Variants in ZNF248 observed in about 807,000 individuals in gnomAD.
ZNF248 encodes the protein zinc finger protein 248, also known as KRAB protein domain.
A neutral mutation model predicts 44.3 loss-of-function variants in ZNF248; 20 were observed. The ratio of observed to expected loss-of-function variants is 0.45; its 90% CI spans 0.32 to 0.66. The LOEUF (loss-of-function observed/expected upper bound fraction) is 0.66, where lower values mean the gene tolerates loss of function less well. Ranked by LOEUF, ZNF248 falls within the 30% of genes least tolerant of loss-of-function variation. ZNF248 has a pLI of 0.04. For synonymous variants in ZNF248, 224 were observed against 229.0 expected (o/e 0.98, Z 0.20); for missense variants, 654 against 677.0 (o/e 0.97, Z 0.38).
intron 6 of ZNF248, among the ~76,000 whole-genome samples, chr10:37,816,829 G>T (rs1274132727): frequency 3.3e-5 from 5 of 152,128 alleles, no homozygotes; most frequent in African/African-American, 1.2e-4. Context: ...TTATTTCTAG[G>T]AACCGTGTTT....
chr10:37,798,543 G>T (rs2049415912), intron 6 of ZNF248, among the ~76,000 whole-genome samples: 1 of 152,210 alleles, frequency 6.6e-6, no homozygotes, highest in Middle Eastern at 3.4e-3. Context: ...AAGGTATATA[G>T]TGTTCTATCC....
At chr10:37,853,646 C>CT (rs1473421433) in intron 3 of ZNF248, among the ~76,000 whole-genome samples, 1 of 152,044 alleles carries the variant, frequency 6.6e-6, no homozygotes, top group East Asian at 1.9e-4. Context: ...TCCCAAAGTG[C>CT]TGGGATTACA....
chr10:37,817,052 A>G (rs1226577622), intron 6 of ZNF248, among the ~76,000 whole-genome samples: 1 of 152,098 alleles, frequency 6.6e-6, no homozygotes, highest in Admixed American at 6.6e-5. Context: ...CTAACCTGCA[A>G]TTTAGCCTCT....
intron 3 of ZNF248, among the ~76,000 whole-genome samples, chr10:37,846,163 C>G (rs1275479108): frequency 6.6e-6 from 1 of 152,158 alleles, no homozygotes; most frequent in Non-Finnish European, 1.5e-5. Flanking sequence ...ATAAATGCCT[C>G]CATTTCTCTT....
intron 6 of ZNF248, among the ~76,000 whole-genome samples, chr10:37,787,285 A>G (rs2047994814): frequency 6.6e-6 from 1 of 151,936 alleles, no homozygotes; most frequent in Non-Finnish European, 1.5e-5. Context: ...TCTCAAAACA[A>G]AAAAAATAAT....
chr10:37,850,878 C>A (rs1193752027), intron 3 of ZNF248, among the ~76,000 whole-genome samples: 1 of 151,884 alleles, frequency 6.6e-6, no homozygotes, highest in Non-Finnish European at 1.5e-5. Context: ...AAGAGAAAAT[C>A]TTTGCCTAGG....
chr10:37,771,609 C>T (rs1169745109), downstream of ZNF248, among the ~76,000 whole-genome samples: 7 of 126,868 alleles, frequency 5.5e-5, no homozygotes, highest in African/African-American at 2.1e-4. Flanking sequence ...GAACATCACA[C>T]TCCGCGGACT....
At position 37,780,549 on chromosome 10, in the gene ZNF248, G is replaced by A. The variant is rs532599021; in HGVS notation, c.331-3974C>T. On this transcript the variant is annotated intron_variant, in intron 6 of 6. Coordinates refer to the ZNF248 transcript ENST00000615949. ...ATTAAAGACTTAAACGACTCTTCTTGATAGACATATTAACAGCATCCCTCT... is the reference window on the plus strand; with the variant it reads ...ATTAAAGACTTAAACGACTCTTCTTAATAGACATATTAACAGCATCCCTCT... Among the ~76,000 whole-genome samples the A allele has an allele frequency of 2.0e-5, 3 of 152,288 alleles. No individual in the cohort carries two copies. In the South Asian group the frequency reaches 6.2e-4, roughly 32 times the overall value.
chr10:37,834,883 C>T (rs1295457982), intron 5 of ZNF248, among the ~76,000 whole-genome samples: 1 of 152,084 alleles, frequency 6.6e-6, no homozygotes, highest in East Asian at 1.9e-4. Flanking sequence ...CGGGATTTGA[C>T]ATAAATTTTA....
chr10:37,820,998 C>G, intron 6 of ZNF248: 4 of 1,509,462 alleles, frequency 2.6e-6, no homozygotes, highest in Non-Finnish European at 3.7e-6. Context: ...GCTGGCAGAG[C>G]GTCTCCCGAG....
At chr10:37,846,008 C>A (rs936640972) in intron 3 of ZNF248, among the ~76,000 whole-genome samples, 4 of 152,180 alleles carry the variant, frequency 2.6e-5, no homozygotes, top group Non-Finnish European at 4.4e-5. Context: ...AATGTATAAT[C>A]TTCATGTACT....
At chr10:37,823,562 CTTTA>C (rs960704233) in intron 6 of ZNF248, among the ~76,000 whole-genome samples, 14 of 151,584 alleles carry the variant, frequency 9.2e-5, no homozygotes, top group East Asian at 2.0e-4. Context: ...AGAGATGTGT[CTTTA>C]TTTATTTATT....
intron 3 of ZNF248, among the ~76,000 whole-genome samples, chr10:37,854,294 A>G (rs1202406820): frequency 6.6e-6 from 1 of 152,204 alleles, no homozygotes; most frequent in Non-Finnish European, 1.5e-5. Context: ...CACCATGAAC[A>G]ATTATCAAAA....
intron 6 of ZNF248, among the ~76,000 whole-genome samples, chr10:37,816,942 C>G (rs1391749963): frequency 6.6e-6 from 1 of 152,080 alleles, no homozygotes; most frequent in East Asian, 1.9e-4. Context: ...GTAAGGGTAA[C>G]TGGGCCCCTA....
chr10:37,783,180 C>G (rs1040327786), intron 6 of ZNF248, among the ~76,000 whole-genome samples: 1 of 152,102 alleles, frequency 6.6e-6, no homozygotes, highest in South Asian at 2.1e-4. Flanking sequence ...CCAAACATAT[C>G]TAGTCAAAGA....
chr10:37,758,891 G>A, the ZNF248 span, among the ~76,000 whole-genome samples: 24 of 152,266 alleles, frequency 1.6e-4, no homozygotes, highest in Middle Eastern at 3.4e-3. Context: ...CAGGATATGC[G>A]TTGTCCTTAC....
At chr10:37,804,520 G>A (rs909118097) in intron 6 of ZNF248, among the ~76,000 whole-genome samples, 12 of 152,176 alleles carry the variant, frequency 7.9e-5, no homozygotes, top group South Asian at 6.2e-4. Flanking sequence ...TGCAACCTCC[G>A]CCTCCCCGGC....
chr10:37,793,597 T>C (rs574329821), intron 6 of ZNF248, among the ~76,000 whole-genome samples: 1 of 151,138 alleles, frequency 6.6e-6, no homozygotes, highest in East Asian at 1.9e-4. Context: ...TTCTAATGAT[T>C]ATATTAAGGG....
downstream of ZNF248, among the ~76,000 whole-genome samples, chr10:37,824,158 C>A (rs2053970070): frequency 6.6e-6 from 1 of 152,096 alleles, no homozygotes; most frequent in Non-Finnish European, 1.5e-5. Flanking sequence ...GCTCAAGACC[C>A]AGGAAAAGCT....
Sources: gnomAD v4.1 joint callset for allele counts (sites outside exome capture counted in the v4.1 genomes callset) on GRCh38, gnomAD v4.1.1 for gene constraint, MANE v1.5 for transcripts, NCBI Gene and HGNC (gene_info 2026-07-23, HGNC 2026-07-21) for gene names.